CLMP: variants seen among roughly 807,000 people sequenced by gnomAD.
CLMP encodes the protein CXADR like cell adhesion molecule.
A neutral mutation model predicts 45.2 loss-of-function variants in CLMP; 27 were observed. The ratio of observed to expected loss-of-function variants is 0.60; its 90% CI spans 0.44 to 0.82. The LOEUF (loss-of-function observed/expected upper bound fraction) is 0.82. Ranked by LOEUF, CLMP falls within the 40% of genes least tolerant of loss-of-function variation. CLMP has a pLI of 0.00. For synonymous variants in CLMP, 167 were observed against 171.4 expected, an observed-to-expected ratio of 0.97 and a Z score of 0.20; for missense variants, 403 against 448.4, an observed-to-expected ratio of 0.90 and a Z score of 0.91.
chr11:123,096,996 G>A (rs1456227053), intron 2 of CLMP, among the ~76,000 whole-genome samples: 1 of 151,964 alleles, frequency 6.6e-6, no homozygotes, highest in Non-Finnish European at 1.5e-5. Flanking sequence ...CTATGGGCAT[G>A]TGGCATCACA....
rs139963804 is a variant in CLMP at position 123,118,718 on chromosome 11, G to T, written c.29-20766C>A. Among the ~76,000 whole-genome samples the T allele has an allele frequency of 2.6e-5, 4 of 152,050 alleles. No individual in the cohort carries two copies. The East Asian group carries it at 7.7e-4, about 29-fold the overall frequency. On this transcript the variant is annotated intron_variant, in intron 1 of 6. Coordinates refer to ENST00000448775, the MANE Select transcript of CLMP (RefSeq NM_024769.5). ...TTTATATCCCAGCAGAAAATGTCGC[G>T]TCTCAGCAAGGGAGGATTTGTAATG...
At chr11:123,109,234 T>C (rs1272699040) in intron 1 of CLMP, among the ~76,000 whole-genome samples, 2 of 152,156 alleles carry the variant, frequency 1.3e-5, no homozygotes, top group Non-Finnish European at 2.9e-5. Flanking sequence ...AAGGTGATGA[T>C]AGTCTCTCCT....
At chr11:123,182,373 A>T (rs1861781041) in intron 1 of CLMP, among the ~76,000 whole-genome samples, 1 of 152,196 alleles carries the variant, frequency 6.6e-6, no homozygotes, top group Non-Finnish European at 1.5e-5. Context: ...GGAACCATGA[A>T]TAACTCATTT....
At chr11:123,078,650 T>G (rs1865766767) in intron 5 of CLMP, among the ~76,000 whole-genome samples, 1 of 100,342 alleles carries the variant, frequency 1.0e-5, no homozygotes. Flanking sequence ...TTTTTTTTGT[T>G]TTTTTTTTTT....
At chr11:123,119,052 C>CCTCTCT (rs759949891) in intron 1 of CLMP, among the ~76,000 whole-genome samples, 2 of 19,460 alleles carry the variant, frequency 1.0e-4, no homozygotes, top group Non-Finnish European at 1.8e-4. Flanking sequence ...TCTCCCTCTC[C>CCTCTCT]CTCTCTCTCT....
chr11:123,117,430 T>A (rs1013411613), intron 1 of CLMP, among the ~76,000 whole-genome samples: 3 of 152,060 alleles, frequency 2.0e-5, no homozygotes. Context: ...TTTTTTATTT[T>A]TTATTATTAT....
chr11:123,160,279 C>CAAAAAAA (rs67087501), intron 1 of CLMP, among the ~76,000 whole-genome samples: 1 of 46,654 alleles, frequency 2.1e-5, no homozygotes, highest in African/African-American at 9.9e-5. Context: ...GACTCTGTCT[C>CAAAAAAA]AAAAAAAAAA....
intron 1 of CLMP, among the ~76,000 whole-genome samples, chr11:123,132,397 TG>T (rs1288721750): frequency 9.2e-5 from 14 of 152,240 alleles, no homozygotes; most frequent in African/African-American, 3.4e-4. Context: ...TCTATTCCTC[TG>T]TGCTCTGAGG....
intron 1 of CLMP, among the ~76,000 whole-genome samples, chr11:123,112,429 C>G (rs544483250): frequency 6.6e-6 from 1 of 150,564 alleles, no homozygotes; most frequent in Non-Finnish European, 1.5e-5. Context: ...CCTCCGCCTC[C>G]AGGGTTGAAG....
At chr11:123,150,480 A>AAAAAGGAAGGAAGGAAGG (rs1861307477) in intron 1 of CLMP, among the ~76,000 whole-genome samples, 2 of 40,962 alleles carry the variant, frequency 4.9e-5, no homozygotes, top group Admixed American at 2.7e-4. Context: ...AGAAAGAAAG[A>AAAAAGGAAGGAAGGAAGG]AAGGAAGGAA....
intron 1 of CLMP, among the ~76,000 whole-genome samples, chr11:123,146,322 T>C (rs1861237598): frequency 6.6e-6 from 1 of 152,176 alleles, no homozygotes; most frequent in South Asian, 2.1e-4. Context: ...ATCCACCTAA[T>C]ACCATGGTTG....
intron 1 of CLMP, among the ~76,000 whole-genome samples, chr11:123,192,185 T>A (rs908750441): frequency 3.9e-5 from 6 of 152,076 alleles, no homozygotes; most frequent in Non-Finnish European, 8.8e-5. Context: ...CCCTACCGAG[T>A]ATCTGGGGGT....
chr11:123,174,458 C>T (rs538577920), intron 1 of CLMP, among the ~76,000 whole-genome samples: 2 of 152,356 alleles, frequency 1.3e-5, no homozygotes, highest in East Asian at 3.9e-4. Context: ...TCCATCTGGA[C>T]ACTAAAGCTC....
chr11:123,194,487 C>T (rs985455500), intron 1 of CLMP, among the ~76,000 whole-genome samples: 12 of 152,110 alleles, frequency 7.9e-5, no homozygotes, highest in Admixed American at 1.3e-4. Context: ...CTGCCTATCC[C>T]CCACTCTGCT....
intron 1 of CLMP, among the ~76,000 whole-genome samples, chr11:123,192,086 C>T (rs2135554834): frequency 6.6e-6 from 1 of 152,216 alleles, no homozygotes; most frequent in African/African-American, 2.4e-5. Flanking sequence ...AATAAGGAGG[C>T]AGTTTTGGTG....
intron 2 of CLMP, among the ~76,000 whole-genome samples, chr11:123,096,946 T>C (rs1355933718): frequency 6.6e-6 from 1 of 151,212 alleles, no homozygotes; most frequent in Non-Finnish European, 1.5e-5. Context: ...CCTCCTGCAC[T>C]CAAGCGATCC....
intron 2 of CLMP, among the ~76,000 whole-genome samples, chr11:123,093,367 G>A (rs866416775): frequency 4.6e-5 from 7 of 152,074 alleles, no homozygotes; most frequent in Middle Eastern, 3.4e-3. Flanking sequence ...GCGGGGTGGG[G>A]ATGGAGTCTC....
chr11:123,097,267 G>T (rs536147679), intron 2 of CLMP, among the ~76,000 whole-genome samples: 8 of 152,292 alleles, frequency 5.3e-5, no homozygotes, highest in African/African-American at 1.9e-4. Flanking sequence ...CTGGGCTCAA[G>T]TGATCCTCCC....
intron 1 of CLMP, among the ~76,000 whole-genome samples, chr11:123,139,869 T>C (rs531010435): frequency 6.7e-6 from 1 of 150,300 alleles, no homozygotes; most frequent in Non-Finnish European, 1.5e-5. Flanking sequence ...ATAAAAAATA[T>C]AAAATAAAAT....
Sources: gnomAD v4.1 joint callset for allele counts (sites outside exome capture counted in the v4.1 genomes callset) on GRCh38, gnomAD v4.1.1 for gene constraint, MANE v1.5 for transcripts, NCBI Gene and HGNC (gene_info 2026-07-23, HGNC 2026-07-21) for gene names.